The following PKNOX2 variants were observed in gnomAD, a reference collection of about 807,000 sequenced individuals.
The protein encoded by PKNOX2 is PBX/knotted 1 homeobox 2.
PKNOX2 carries 14 observed loss-of-function variants against 53.1 expected under a neutral mutation model. That is an observed-to-expected ratio of 0.26 (90% confidence interval 0.17 to 0.41). The LOEUF (loss-of-function observed/expected upper bound fraction) is 0.41. PKNOX2 is among the 10% of genes least tolerant of loss of function. The probability of loss-of-function intolerance (pLI) is 1.00; values close to 1 mark genes in which losing one functional copy is unlikely to be tolerated. For synonymous variants in PKNOX2, 257 were observed against 242.8 expected (o/e 1.06, Z -0.54); for missense variants, 496 against 602.8 (o/e 0.82, Z 1.85).
intron 1 of PKNOX2, among the ~76,000 whole-genome samples, chr11:125,229,327 A>T (rs1462902840): frequency 3.3e-5 from 5 of 152,222 alleles, no homozygotes; most frequent in Non-Finnish European, 5.9e-5. Flanking sequence ...ACATGTGCCC[A>T]GTTAAAAGGA....
At chr11:125,216,759 T>C (rs980685550) in intron 1 of PKNOX2, among the ~76,000 whole-genome samples, 1 of 151,996 alleles carries the variant, frequency 6.6e-6, no homozygotes, top group Non-Finnish European at 1.5e-5. Flanking sequence ...TCCCCTCCAC[T>C]GTCCCTTCAG....
At chr11:125,189,441 G>GTA (rs1956706529) in intron 1 of PKNOX2, among the ~76,000 whole-genome samples, 8 of 57,942 alleles carry the variant, frequency 1.4e-4, no homozygotes, top group Non-Finnish European at 1.9e-4. Flanking sequence ...GTGTGTGTGT[G>GTA]TGTGTGTATA....
chr11:125,415,768 T>C (rs1955837786), intron 10 of PKNOX2, among the ~76,000 whole-genome samples: 1 of 152,176 alleles, frequency 6.6e-6, no homozygotes, highest in Non-Finnish European at 1.5e-5. Flanking sequence ...GACCTAAATA[T>C]GCCATCGATG....
rs377572813 is a variant in PKNOX2 at position 125,198,804 on chromosome 11, C to A, written c.-201+34028C>A. Among the ~76,000 whole-genome samples, 37 of 151,428 alleles carry A rather than the reference C, an allele frequency of 2.4e-4. No homozygotes were observed. In the East Asian group the frequency reaches 6.6e-3, roughly 27 times the overall value. ...ACCTCTCCCTCACCTCTCTCCTGAT[C>A]CGCCTCCTCCTCCTCTTCCTTCTTC... is the stretch of plus-strand genomic sequence containing the variant. On this transcript the variant is annotated intron_variant, in intron 1 of 12. Coordinates refer to ENST00000298282, the MANE Select transcript of PKNOX2 (RefSeq NM_001382323.2).
chr11:125,355,290 AAAAG>A (rs1270158361), intron 4 of PKNOX2, among the ~76,000 whole-genome samples: 8 of 136,460 alleles, frequency 5.9e-5, no homozygotes, highest in East Asian at 2.5e-4. Context: ...AAAAAAAAAA[AAAAG>A]AAAGAAAGAA....
At position 125,410,760 on chromosome 11, in the gene PKNOX2, A is replaced by G; in HGVS notation, c.719-19A>G. 1 of 1,606,620 alleles carries G rather than the reference A, an allele frequency of 6.2e-7. No individual in the cohort carries two copies. Among genetic ancestry groups the G allele is most frequent in the South Asian group, 1.1e-5 (1 of 90,882 alleles). Reference sequence around the variant, plus strand: ...CCCACTCCCATGGCAGGGGACCCCAAAACTGGTTGTCTCCTCAGGTGGAGC... The same window carrying G: ...CCCACTCCCATGGCAGGGGACCCCAGAACTGGTTGTCTCCTCAGGTGGAGC... On this transcript the variant is annotated intron_variant, in intron 8 of 12. Coordinates refer to ENST00000298282, the MANE Select transcript of PKNOX2 (RefSeq NM_001382323.2).
intron 1 of PKNOX2, among the ~76,000 whole-genome samples, chr11:125,215,660 G>A (rs1237290913): frequency 6.7e-6 from 1 of 148,326 alleles, no homozygotes; most frequent in African/African-American, 2.5e-5. Context: ...GCTGAGGCAG[G>A]AGAATCACTT....
chr11:125,260,735 C>T (rs1266863677), intron 2 of PKNOX2, among the ~76,000 whole-genome samples: 1 of 152,178 alleles, frequency 6.6e-6, no homozygotes, highest in African/African-American at 2.4e-5. Context: ...GCCACCCCCA[C>T]CTCTCCATGC....
rs201633511 is a variant in PKNOX2, at chr11:125,339,633, C to T, written c.-23+7708C>T. Among the ~76,000 whole-genome samples the T allele has an allele frequency of 3.9e-5, 6 of 152,182 alleles. No homozygotes were observed. In the South Asian group the frequency reaches 6.2e-4, roughly 16 times the overall value. On this transcript the variant is annotated intron_variant, in intron 3 of 12. Transcript: ENST00000298282. ...CTACCCCACTTCACTCCTCCTGGGCCCCAGCAGGGCCCCTCAGTCCAGTAT... is the reference window on the plus strand; with the variant it reads ...CTACCCCACTTCACTCCTCCTGGGCTCCAGCAGGGCCCCTCAGTCCAGTAT...
chr11:125,343,771 G>A (rs1395900898), intron 3 of PKNOX2, among the ~76,000 whole-genome samples: 1 of 152,194 alleles, frequency 6.6e-6, no homozygotes, highest in African/African-American at 2.4e-5. Context: ...AGAGGCGGGA[G>A]CAAGACCACG....
intron 2 of PKNOX2, among the ~76,000 whole-genome samples, chr11:125,312,142 G>A (rs1948844465): frequency 6.6e-6 from 1 of 152,216 alleles, no homozygotes; most frequent in African/African-American, 2.4e-5. Flanking sequence ...CTACAAGGGG[G>A]AGTTGTGATG....
At chr11:125,400,147 A>T (rs1026111401) in intron 7 of PKNOX2, among the ~76,000 whole-genome samples, 5 of 152,160 alleles carry the variant, frequency 3.3e-5, no homozygotes, top group Non-Finnish European at 7.4e-5. Context: ...AAGAGGAATC[A>T]GACAATTGCG....
At chr11:125,300,427 G>C (rs1399571395) in intron 2 of PKNOX2, among the ~76,000 whole-genome samples, 1 of 152,222 alleles carries the variant, frequency 6.6e-6, no homozygotes, top group Non-Finnish European at 1.5e-5. Flanking sequence ...TTGAGGCAGA[G>C]AGAGGTTAAG....
At chr11:125,204,298 A>G (rs2135415993) in intron 1 of PKNOX2, among the ~76,000 whole-genome samples, 1 of 152,264 alleles carries the variant, frequency 6.6e-6, no homozygotes, top group Non-Finnish European at 1.5e-5. Context: ...TCAGATGTTA[A>G]GGTACAATAC....
intron 2 of PKNOX2, among the ~76,000 whole-genome samples, chr11:125,245,258 C>G (rs904169677): frequency 2.0e-5 from 3 of 152,178 alleles, no homozygotes; most frequent in African/African-American, 7.2e-5. Flanking sequence ...ATATACCAGT[C>G]TAGGAGGCAT....
intron 2 of PKNOX2, among the ~76,000 whole-genome samples, chr11:125,291,797 AAGG>A (rs1565489311): frequency 6.6e-6 from 1 of 152,240 alleles, no homozygotes; most frequent in Non-Finnish European, 1.5e-5. Flanking sequence ...ATGTTAAGTG[AAGG>A]AGAACAGACA....
intron 1 of PKNOX2, among the ~76,000 whole-genome samples, chr11:125,187,166 T>C (rs190808545): frequency 6.6e-6 from 1 of 152,346 alleles, no homozygotes; most frequent in East Asian, 1.9e-4. Context: ...ACTTTGTTCC[T>C]CTTTTTCAAG....
At chr11:125,207,261 T>G (rs763919756) in intron 1 of PKNOX2, among the ~76,000 whole-genome samples, 1 of 152,080 alleles carries the variant, frequency 6.6e-6, no homozygotes. Flanking sequence ...TGTTTTTCCT[T>G]TTTTCTTTTT....
rs1938095537 is a variant in PKNOX2 at position 125,198,866 on chromosome 11, G to T, written c.-201+34090G>T. ...CTTTTTTTTTTTTTTCTGAGACAGA[G>T]TATCACTCTTGTTTCCTAGGCTGGA... is the stretch of plus-strand genomic sequence containing the variant. On this transcript the variant is annotated intron_variant, in intron 1 of 12. Coordinates refer to ENST00000298282, the MANE Select transcript of PKNOX2 (RefSeq NM_001382323.2). Among the ~76,000 whole-genome samples the T allele has an allele frequency of 2.8e-5, 4 of 143,924 alleles. No homozygotes were observed. In the Admixed American group the frequency reaches 2.9e-4, roughly 10 times the overall value. The allele number at this position is 143,924 out of a possible 152,430, so 94.4% of individuals were successfully genotyped here. A position where few individuals can be genotyped will look rare whatever the true frequency, so the allele number is the denominator to read the frequency against.
Sources: gnomAD v4.1 joint callset for allele counts (sites outside exome capture counted in the v4.1 genomes callset) on GRCh38, gnomAD v4.1.1 for gene constraint, MANE v1.5 for transcripts, NCBI Gene and HGNC (gene_info 2026-07-23, HGNC 2026-07-21) for gene names.